The following MGAT4C variants were observed in gnomAD, a reference collection of about 807,000 sequenced individuals.
MGAT4C encodes the protein alpha-1,3-mannosyl-glycoprotein 4-beta-N-acetylglucosaminyltransferase C.
A neutral mutation model predicts 40.1 loss-of-function variants in MGAT4C; 19 were observed. The ratio of observed to expected loss-of-function variants is 0.47; its 90% CI spans 0.33 to 0.70. MGAT4C has a LOEUF of 0.70. MGAT4C is among the 30% of genes least tolerant of loss of function. The probability of loss-of-function intolerance (pLI) is 0.02; values close to 1 mark genes in which losing one functional copy is unlikely to be tolerated. For synonymous variants in MGAT4C, 181 were observed against 187.1 expected, an observed-to-expected ratio of 0.97 and a Z score of 0.27; for missense variants, 491 against 563.2, an observed-to-expected ratio of 0.87 and a Z score of 1.30.
chr12:86,348,333 A>C (rs1258454370), intron 3 of MGAT4C, among the ~76,000 whole-genome samples: 1 of 152,090 alleles, frequency 6.6e-6, no homozygotes, highest in Non-Finnish European at 1.5e-5. Context: ...TTTCTTTTTA[A>C]GATATTCTTA....
intron 1 of MGAT4C, among the ~76,000 whole-genome samples, chr12:86,070,005 T>G (rs983856187): frequency 6.6e-6 from 1 of 152,042 alleles, no homozygotes; most frequent in Admixed American, 6.6e-5. Context: ...TTCCTTGAAC[T>G]CATCTCTTCC....
At chr12:86,713,990 C>A (rs1016998370) in intron 2 of MGAT4C, among the ~76,000 whole-genome samples, 4 of 152,116 alleles carry the variant, frequency 2.6e-5, no homozygotes, top group Admixed American at 2.6e-4. Context: ...TGTTTTATTG[C>A]ATCATGTGAG....
At chr12:86,338,284 G>C (rs554231995) in intron 3 of MGAT4C, among the ~76,000 whole-genome samples, 1 of 152,222 alleles carries the variant, frequency 6.6e-6, no homozygotes, top group Admixed American at 6.5e-5. Context: ...GTTCCTGAGT[G>C]GGGGCTACAA....
chr12:86,223,298 C>T (rs1173037873), intron 1 of MGAT4C, among the ~76,000 whole-genome samples: 4 of 152,194 alleles, frequency 2.6e-5, no homozygotes, highest in African/African-American at 9.7e-5. Flanking sequence ...TCCCTAGTGG[C>T]AAGTCCACAG....
At chr12:86,150,061 T>C (rs2135764209) in intron 1 of MGAT4C, among the ~76,000 whole-genome samples, 1 of 152,312 alleles carries the variant, frequency 6.6e-6, no homozygotes, top group African/African-American at 2.4e-5. Context: ...GGGTGGAAGA[T>C]GGTTTCAGGA....
chr12:85,965,405 G>C lies in MGAT4C; in HGVS notation c.*13884C>G, dbSNP rs1023458875. 5 of 151,972 alleles carry C rather than the reference G, an allele frequency of 3.3e-5. No homozygotes were observed. The highest frequency in any genetic ancestry group is 1.2e-4 in the African/African-American group (5 of 41,364). 9.4% of individuals were successfully genotyped at this position (151,972 alleles called of 1,614,324 possible). A position where few individuals can be genotyped will look rare whatever the true frequency, so the allele number is the denominator to read the frequency against. On this transcript the variant is annotated 3_prime_UTR_variant, in exon 5 of 5. Transcript: ENST00000611864. ...GAGGTCAGGAGATCGAGAGCATCCT[G>C]GCTAACAAGGTGAAACCCCGTCTCT...
chr12:86,026,234 T>A (rs1890226618), intron 2 of MGAT4C, among the ~76,000 whole-genome samples: 1 of 151,880 alleles, frequency 6.6e-6, no homozygotes, highest in Non-Finnish European at 1.5e-5. Flanking sequence ...AGTTGAATGT[T>A]CTCCTCTACT....
At chr12:86,727,720 A>G (rs1950845734) in intron 1 of MGAT4C, among the ~76,000 whole-genome samples, 1 of 152,096 alleles carries the variant, frequency 6.6e-6, no homozygotes, top group African/African-American at 2.4e-5. Flanking sequence ...GATCTAAAAC[A>G]AGGGCTTACA....
chr12:85,980,538 A>G, intron 4 of MGAT4C, 108 bp from the exon 5 acceptor site: 2 of 946,312 alleles, frequency 2.1e-6, no homozygotes, highest in South Asian at 3.6e-5. Context: ...CATATTAAGT[A>G]AATCTAGTAA....
intron 1 of MGAT4C, among the ~76,000 whole-genome samples, chr12:86,062,345 A>G (rs561368314): frequency 3.2e-4 from 48 of 152,280 alleles, no homozygotes; most frequent in African/African-American, 1.1e-3. Flanking sequence ...AAATAAAAGG[A>G]CATCCACTCA....
At chr12:86,615,304 G>C (rs1321415241) in intron 2 of MGAT4C, among the ~76,000 whole-genome samples, 3 of 151,964 alleles carry the variant, frequency 2.0e-5, no homozygotes, top group African/African-American at 7.2e-5. Context: ...GAAAATATTT[G>C]ACTGAAAAAA....
chr12:86,752,701 T>C (rs1951244875), intron 1 of MGAT4C, among the ~76,000 whole-genome samples: 1 of 152,062 alleles, frequency 6.6e-6, no homozygotes. Flanking sequence ...ATTGTTAAGA[T>C]AGAATGACCA....
At chr12:86,814,314 GTATATATACATATACGTATATATATACA>G (rs1566009128) in intron 1 of MGAT4C, among the ~76,000 whole-genome samples, 13 of 5,558 alleles carry the variant, frequency 2.3e-3, no homozygotes, top group South Asian at 8.2e-3. Context: ...ATATATATAC[GTATATATACATATACGTATATATATACA>G]TATATATACA....
chr12:86,766,120 C>T (rs1347097327), intron 1 of MGAT4C, among the ~76,000 whole-genome samples: 1 of 152,064 alleles, frequency 6.6e-6, no homozygotes, highest in Admixed American at 6.6e-5. Context: ...ATTCAGGAAA[C>T]CCATCTCACG....
At chr12:86,161,866 A>T (rs371069985) in intron 1 of MGAT4C, among the ~76,000 whole-genome samples, 12 of 152,154 alleles carry the variant, frequency 7.9e-5, no homozygotes, top group African/African-American at 2.7e-4. Context: ...GCAAAAGAAG[A>T]CATACAAGCT....
At chr12:86,802,131 A>G (rs972365954) in intron 1 of MGAT4C, among the ~76,000 whole-genome samples, 1 of 151,948 alleles carries the variant, frequency 6.6e-6, no homozygotes, top group African/African-American at 2.4e-5. Context: ...AATTAGCTTT[A>G]TACCACACAA....
intron 1 of MGAT4C, among the ~76,000 whole-genome samples, chr12:86,115,824 C>G (rs1365477778): frequency 6.6e-6 from 1 of 152,018 alleles, no homozygotes; most frequent in African/African-American, 2.4e-5. Flanking sequence ...GAACATCTAT[C>G]TACCTTGTGA....
intron 1 of MGAT4C, among the ~76,000 whole-genome samples, chr12:86,182,888 TCTC>T (rs1419650577): frequency 1.3e-5 from 2 of 152,142 alleles, no homozygotes; most frequent in African/African-American, 4.8e-5. Context: ...GATACATAGA[TCTC>T]CTAGAAAATT....
chr12:86,555,623 C>G (rs1959573280), intron 2 of MGAT4C, among the ~76,000 whole-genome samples: 1 of 152,074 alleles, frequency 6.6e-6, no homozygotes, highest in Non-Finnish European at 1.5e-5. Flanking sequence ...CCTTGCTGTC[C>G]CAGGATCGAT....
Sources: allele counts gnomAD v4.1 joint callset (sites outside exome capture counted in the v4.1 genomes callset), GRCh38; gene constraint gnomAD v4.1.1; transcripts MANE v1.5; gene names NCBI Gene and HGNC (gene_info 2026-07-23, HGNC 2026-07-21).